The following SUPT3H variants were observed in gnomAD, a reference collection of about 807,000 sequenced individuals.
The protein encoded by SUPT3H is SPT3 homolog, SAGA and STAGA complex component.
Under a neutral mutation model 44.3 loss-of-function variants are expected in SUPT3H, and 44 were observed. The ratio of observed to expected loss-of-function variants is 0.99; its 90% CI spans 0.78 to 1.28. SUPT3H has a LOEUF of 1.28. Ranked by LOEUF, SUPT3H falls within the 50% of genes most tolerant of loss-of-function variation. SUPT3H has a pLI of 0.00. For missense variants in SUPT3H, 380 were observed against 387.1 expected, an observed-to-expected ratio of 0.98 and a Z score of 0.15; for synonymous variants, 124 against 125.6, an observed-to-expected ratio of 0.99 and a Z score of 0.09.
intron 2 of SUPT3H, among the ~76,000 whole-genome samples, chr6:45,359,499 T>C (rs560106769): frequency 6.6e-5 from 10 of 152,298 alleles, no homozygotes; most frequent in African/African-American, 2.4e-4. Context: ...TAGTGTAATT[T>C]AAATATCAGG....
chr6:45,093,236 A>G (rs1232321931), intron 3 of SUPT3H, among the ~76,000 whole-genome samples: 1 of 152,150 alleles, frequency 6.6e-6, no homozygotes, highest in Non-Finnish European at 1.5e-5. Context: ...TTATATTTTT[A>G]TAAAAAATAG....
chr6:44,932,499 C>T (rs1287056488), intron 10 of SUPT3H, among the ~76,000 whole-genome samples, 154 bp downstream of exon 10: 1 of 152,174 alleles, frequency 6.6e-6, no homozygotes. Flanking sequence ...AAATGACTTT[C>T]ATTTCCCAAG....
chr6:44,833,792 A>G (rs372333676), intron 10 of SUPT3H, among the ~76,000 whole-genome samples: 74 of 152,288 alleles, frequency 4.9e-4, no homozygotes, highest in African/African-American at 1.7e-3. Flanking sequence ...CCCTGCCCCA[A>G]TTCCACCCAG....
intron 2 of SUPT3H, among the ~76,000 whole-genome samples, chr6:45,308,744 A>C (rs1783494204): frequency 1.6e-5 from 1 of 63,490 alleles, no homozygotes; most frequent in Admixed American, 2.2e-4. Context: ...AGTATAACAA[A>C]AAAAATAAAT....
At chr6:45,113,195 T>TA (rs1800335398) in intron 2 of SUPT3H, among the ~76,000 whole-genome samples, 2 of 152,056 alleles carry the variant, frequency 1.3e-5, no homozygotes, top group East Asian at 3.9e-4. Context: ...TAAATGGAAT[T>TA]AGAGTGAATA....
chr6:44,914,471 G>C (rs148419758), intron 10 of SUPT3H, among the ~76,000 whole-genome samples: 2 of 152,138 alleles, frequency 1.3e-5, no homozygotes, highest in African/African-American at 4.8e-5. Context: ...TTTCAAAACA[G>C]GTATTACTCA....
intron 2 of SUPT3H, among the ~76,000 whole-genome samples, chr6:45,179,394 C>G (rs1000638241): frequency 6.6e-6 from 1 of 152,170 alleles, no homozygotes; most frequent in Admixed American, 6.5e-5. Context: ...CAGCATCATC[C>G]TGATACCAAA....
At chr6:45,045,928 G>A (rs979011568) in intron 3 of SUPT3H, among the ~76,000 whole-genome samples, 8 of 152,080 alleles carry the variant, frequency 5.3e-5, no homozygotes, top group Non-Finnish European at 8.8e-5. Context: ...GAAGTTCAAT[G>A]TATCACTTTT....
chr6:45,144,690 T>A (rs756077211), intron 2 of SUPT3H, among the ~76,000 whole-genome samples: 4 of 152,006 alleles, frequency 2.6e-5, no homozygotes, highest in Non-Finnish European at 5.9e-5. Context: ...AAGGGGCATC[T>A]GAATTGGTAA....
In SUPT3H at chr6:45,341,984, A is replaced by C. The variant is rs139352600; in HGVS notation, c.101+23217T>G. Among the ~76,000 whole-genome samples the C allele has an allele frequency of 1.0e-3, 157 of 152,232 alleles. 2 individuals are homozygous for C. Among genetic ancestry groups the C allele is most frequent in the Admixed American group, 9.4e-3 (143 of 15,278 alleles). ...TTCACAAATAACATGGTGATTTAGT[A>C]GTTATTAACCTAGCATTAAAAAAAA... On this transcript the variant is annotated intron_variant, in intron 2 of 10. Coordinates refer to ENST00000371459, the MANE Select transcript of SUPT3H (RefSeq NM_003599.4).
chr6:44,861,984 T>C (rs186112258), intron 10 of SUPT3H, among the ~76,000 whole-genome samples: 222 of 152,296 alleles, frequency 1.5e-3, no homozygotes, highest in African/African-American at 5.2e-3. Context: ...ATACACCTTC[T>C]GACTCTGATG....
intron 2 of SUPT3H, among the ~76,000 whole-genome samples, chr6:45,290,611 A>C (rs1780166537): frequency 6.6e-6 from 1 of 152,194 alleles, no homozygotes; most frequent in South Asian, 2.1e-4. Flanking sequence ...TCTCTTTTAA[A>C]AATATTTTTA....
chr6:45,354,929 T>C (rs1792842285), intron 2 of SUPT3H, among the ~76,000 whole-genome samples: 1 of 152,170 alleles, frequency 6.6e-6, no homozygotes, highest in Non-Finnish European at 1.5e-5. Flanking sequence ...ATTTTTTGTA[T>C]GCATTGGAAA....
intron 3 of SUPT3H, among the ~76,000 whole-genome samples, chr6:45,054,195 T>C (rs1372272561): frequency 6.6e-6 from 1 of 151,936 alleles, no homozygotes; most frequent in Non-Finnish European, 1.5e-5. Flanking sequence ...TTCTCCCCCC[T>C]GTAAGCTGTA....
intron 10 of SUPT3H, among the ~76,000 whole-genome samples, chr6:44,855,685 T>C (rs1247686441): frequency 2.6e-5 from 4 of 152,022 alleles, no homozygotes; most frequent in African/African-American, 4.8e-5. Flanking sequence ...AACCATTATA[T>C]ATGCGCTCAC....
At chr6:45,129,935 C>T (rs777290041) in intron 2 of SUPT3H, among the ~76,000 whole-genome samples, 32 of 151,986 alleles carry the variant, frequency 2.1e-4, no homozygotes, top group African/African-American at 3.4e-4. Context: ...TTAAGACTGG[C>T]GTAATGATTG....
downstream of SUPT3H, among the ~76,000 whole-genome samples, chr6:44,822,753 A>G (rs551146999): frequency 1.3e-5 from 2 of 152,360 alleles, no homozygotes; most frequent in Admixed American, 1.3e-4. Flanking sequence ...TGTATAGCCA[A>G]ATAAGTGAAA....
At chr6:45,267,257 C>T (rs548580202) in intron 2 of SUPT3H, among the ~76,000 whole-genome samples, 7 of 152,222 alleles carry the variant, frequency 4.6e-5, no homozygotes, top group East Asian at 1.9e-4. Flanking sequence ...TTAGAGAATA[C>T]GCATTTTAAG....
chr6:44,841,552 TTAAA>T (rs1770941952), intron 10 of SUPT3H, among the ~76,000 whole-genome samples: 1 of 152,232 alleles, frequency 6.6e-6, no homozygotes, highest in Non-Finnish European at 1.5e-5. Flanking sequence ...AATAATGTGT[TTAAA>T]TAAATTTTAT....
Sources: gnomAD v4.1 joint callset for allele counts (sites outside exome capture counted in the v4.1 genomes callset) on GRCh38, gnomAD v4.1.1 for gene constraint, MANE v1.5 for transcripts, NCBI Gene and HGNC (gene_info 2026-07-23, HGNC 2026-07-21) for gene names.